The following CNTNAP3B variants were observed in gnomAD, a reference collection of about 807,000 sequenced individuals.
The protein encoded by CNTNAP3B is contactin-associated protein-like 3B.
Under a neutral mutation model 108.9 loss-of-function variants are expected in CNTNAP3B, and 25 were observed. The observed-to-expected ratio is 0.23, with a 90% CI of 0.17 to 0.32. The LOEUF is 0.32. Among genes scored for constraint, CNTNAP3B ranks in the 10% least tolerant of loss-of-function variants. The pLI, the probability that CNTNAP3B is intolerant of heterozygous loss-of-function variation, is 1.00. For missense variants in CNTNAP3B, 252 were observed against 1,210.4 expected (o/e 0.21, Z 11.75); for synonymous variants, 103 against 473.4 (o/e 0.22, Z 10.16).
At chr9:41,969,422 G>A (rs1587161905) in intron 10 of CNTNAP3B, among the ~76,000 whole-genome samples, 2 of 147,102 alleles carry the variant, frequency 1.4e-5, no homozygotes, top group South Asian at 4.4e-4. Context: ...GGGGTTGGGT[G>A]GCTGATGAAT....
chr9:42,026,253 AT>A (rs527960367), intron 3 of CNTNAP3B, among the ~76,000 whole-genome samples: 1 of 23,486 alleles, frequency 4.3e-5, no homozygotes, highest in Non-Finnish European at 8.4e-5. Context: ...TTTATTTGGG[AT>A]TTTTTTTCCT....
intron 2 of CNTNAP3B, among the ~76,000 whole-genome samples, chr9:42,077,656 T>A (rs980040522): frequency 1.5e-5 from 2 of 129,532 alleles, no homozygotes; most frequent in Non-Finnish European, 3.2e-5. Flanking sequence ...TACAAAAAGG[T>A]ATGGAGTAGC....
intron 1 of CNTNAP3B, among the ~76,000 whole-genome samples, chr9:42,108,715 G>C: frequency 7.4e-6 from 1 of 134,514 alleles, no homozygotes; most frequent in Non-Finnish European, 1.6e-5. Flanking sequence ...ATTTAGTCTC[G>C]GTGATTAGCT....
chr9:41,934,218 CTTTTTT>C (rs760498324), intron 14 of CNTNAP3B, among the ~76,000 whole-genome samples: 5 of 118,848 alleles, frequency 4.2e-5, no homozygotes, highest in Non-Finnish European at 5.1e-5. Flanking sequence ...CACACACATA[CTTTTTT>C]TTTTTTTTTT....
intron 9 of CNTNAP3B, among the ~76,000 whole-genome samples, chr9:41,977,788 T>TTC (rs1825549099): frequency 2.7e-5 from 1 of 37,658 alleles, no homozygotes; most frequent in African/African-American, 8.7e-5. Flanking sequence ...CCCAGCTAAT[T>TTC]TTTTTTTTTT....
In CNTNAP3B at chr9:41,937,105, AT is replaced by A. The variant is rs1415765485; in HGVS notation, c.2237+1138del. ...ACCTGGAATGACCATTACATTTTTT[AT>A]TTATTAATTTATTATTATTATTATT... is the stretch of plus-strand genomic sequence containing the variant. On this transcript the variant is annotated intron_variant, in intron 14 of 23. Transcript: ENST00000377561. Among the ~76,000 whole-genome samples the A allele has an allele frequency of 2.8e-3, 305 of 109,122 alleles. 1 individual carries two copies. The highest frequency in any genetic ancestry group is 4.7e-3 in the South Asian group (17 of 3,628). The allele number at this position is 109,122 out of a possible 152,430, so 71.6% of individuals were successfully genotyped here. A position where few individuals can be genotyped will look rare whatever the true frequency, so the allele number is the denominator to read the frequency against.
intron 1 of CNTNAP3B, among the ~76,000 whole-genome samples, chr9:42,109,903 C>T (rs570613514): frequency 7.3e-6 from 1 of 136,996 alleles, no homozygotes; most frequent in South Asian, 2.4e-4. Context: ...GAGCCCCATA[C>T]AAAAGAGAAG....
chr9:42,024,935 C>T (rs926647594), intron 3 of CNTNAP3B, among the ~76,000 whole-genome samples: 2 of 144,192 alleles, frequency 1.4e-5, no homozygotes, highest in African/African-American at 2.6e-5. Flanking sequence ...TTTCTTACAA[C>T]AGTGATATAT....
chr9:41,961,683 TA>T (rs1764081590), intron 11 of CNTNAP3B, among the ~76,000 whole-genome samples: 1 of 152,288 alleles, frequency 6.6e-6, no homozygotes, highest in Admixed American at 6.5e-5. Flanking sequence ...AAAAAATAAT[TA>T]AAGCTGATTT....
intron 13 of CNTNAP3B, among the ~76,000 whole-genome samples, chr9:41,944,901 C>T (rs1425091960): frequency 2.6e-5 from 4 of 152,372 alleles, no homozygotes; most frequent in African/African-American, 7.2e-5. Flanking sequence ...AGAATCTACA[C>T]AGAACTTAAA....
rs948683809 is a variant in CNTNAP3B at position 42,122,081 on chromosome 9, A to G, written c.85+6929T>C. Reference sequence around the variant, plus strand: ...GAGGAGCCCTGAGCTTAGGGAATTCAAAGTTTTCTATGGGCAGCAGGCTTT... The same window carrying G: ...GAGGAGCCCTGAGCTTAGGGAATTCGAAGTTTTCTATGGGCAGCAGGCTTT... On this transcript the variant is annotated intron_variant, in intron 1 of 23. Coordinates refer to ENST00000377561, the MANE Select transcript of CNTNAP3B (RefSeq NM_001201380.3). Among the ~76,000 whole-genome samples the G allele has an allele frequency of 9.3e-5, 13 of 139,892 alleles. 3 individuals are homozygous for G. Among genetic ancestry groups the G allele is most frequent in the African/African-American group, 3.4e-4 (12 of 35,466 alleles). 91.8% of individuals were successfully genotyped at this position (139,892 alleles called of 152,430 possible). A position where few individuals can be genotyped will look rare whatever the true frequency, so the allele number is the denominator to read the frequency against.
At chr9:41,934,130 C>CATATATATATATATACACAT (rs1253743490) in intron 14 of CNTNAP3B, among the ~76,000 whole-genome samples, 1 of 116,498 alleles carries the variant, frequency 8.6e-6, no homozygotes, top group African/African-American at 3.4e-5. Flanking sequence ...TATACACACA[C>CATATATATATATATACACAT]ATATATATAT....
At chr9:42,098,557 T>C (rs1199347037) in intron 2 of CNTNAP3B, among the ~76,000 whole-genome samples, 1 of 68,534 alleles carries the variant, frequency 1.5e-5, no homozygotes, top group African/African-American at 5.6e-5. Context: ...CACTCCAGCC[T>C]GGGTGACAGA....
At chr9:41,941,175 G>A (rs1276946721) in intron 13 of CNTNAP3B, among the ~76,000 whole-genome samples, 1 of 151,014 alleles carries the variant, frequency 6.6e-6, no homozygotes, top group Non-Finnish European at 1.5e-5. Flanking sequence ...AGTCACATAT[G>A]TACACTATAA....
At chr9:42,041,181 G>T (rs1299754261) in intron 3 of CNTNAP3B, among the ~76,000 whole-genome samples, 1 of 134,916 alleles carries the variant, frequency 7.4e-6, no homozygotes, top group East Asian at 2.3e-4. Flanking sequence ...GCGTGGGCAA[G>T]GACTTCATGT....
chr9:41,944,620 C>G (rs1282096168), intron 13 of CNTNAP3B, among the ~76,000 whole-genome samples: 2 of 151,684 alleles, frequency 1.3e-5, no homozygotes, highest in Non-Finnish European at 2.9e-5. Flanking sequence ...GAGGGGAATT[C>G]AGGAAAAAAA....
chr9:42,036,083 G>T (rs1380595062), intron 3 of CNTNAP3B, among the ~76,000 whole-genome samples: 2 of 149,654 alleles, frequency 1.3e-5, no homozygotes, highest in African/African-American at 2.5e-5. Flanking sequence ...ACTCCAGCCT[G>T]GGCATCACAG....
intron 14 of CNTNAP3B, among the ~76,000 whole-genome samples, 165 bp from the exon 15 acceptor site, chr9:41,929,609 G>A (rs1009245869): frequency 7.2e-6 from 1 of 138,760 alleles, no homozygotes; most frequent in Non-Finnish European, 1.5e-5. Context: ...TCTAAATCAG[G>A]GATGGGCAAA....
At chr9:42,086,036 G>A (rs1827696535) in intron 2 of CNTNAP3B, among the ~76,000 whole-genome samples, 1 of 139,720 alleles carries the variant, frequency 7.2e-6, no homozygotes, top group African/African-American at 2.8e-5. Context: ...ACATATCTGA[G>A]ACTGGGTAAT....
Sources: gnomAD v4.1 joint callset for allele counts (sites outside exome capture counted in the v4.1 genomes callset) on GRCh38, gnomAD v4.1.1 for gene constraint, MANE v1.5 for transcripts, NCBI Gene and HGNC (gene_info 2026-07-23, HGNC 2026-07-21) for gene names.